Variants in AP3M2 observed in about 807,000 individuals in gnomAD.
AP3M2 encodes AP-3 complex subunit mu-2.
AP3M2 carries 28 observed loss-of-function variants against 41.6 expected under a neutral mutation model. That is an observed-to-expected ratio of 0.67 (90% CI 0.50 to 0.92). AP3M2 has a LOEUF of 0.92. AP3M2 is among the 40% of genes least tolerant of loss of function. The pLI is 0.00. For missense variants in AP3M2, 427 were observed against 521.4 expected, an observed-to-expected ratio of 0.82 and a Z score of 1.76; for synonymous variants, 193 against 186.4, an observed-to-expected ratio of 1.04 and a Z score of -0.29.
Position 42,169,065 on chromosome 8 carries a change from G to A in AP3M2, c.*4G>A, listed in dbSNP as rs1163948569. The A allele has an allele frequency of 6.9e-6, 11 of 1,600,302 alleles. No individual in the cohort carries two copies. In the African/African-American group the frequency reaches 8.1e-5, roughly 12 times the overall value. ...GAAGTTCCAAGTTCGAACCTGAAGG[G>A]AGCATTTGCTGAGGGAATAGTCTTG... On this transcript the variant is annotated 3_prime_UTR_variant, in exon 9 of 9. Transcript: ENST00000396926.
At position 42,165,421 on chromosome 8, in the gene AP3M2, C is replaced by G. The variant is rs1564118524; in HGVS notation, c.670-6C>G. The G allele has an allele frequency of 6.2e-7, 1 of 1,613,914 alleles. No individual in the cohort carries two copies. Among genetic ancestry groups the G allele is most frequent in the African/African-American group, 1.3e-5 (1 of 74,920 alleles). On this transcript the variant is annotated splice_polypyrimidine_tract_variant and splice_region_variant and intron_variant, in intron 5 of 8. Coordinates refer to ENST00000396926, the MANE Select transcript of AP3M2 (RefSeq NM_006803.4). ...CTTCTTGCTTCTCCTCTCCTGATGACTGTAGAACCCTAGGTTGTTGGATGA... is the reference window on the plus strand; with the variant it reads ...CTTCTTGCTTCTCCTCTCCTGATGAGTGTAGAACCCTAGGTTGTTGGATGA...
Position 42,167,391 on chromosome 8 carries a change from CT to C in AP3M2, c.1011+22del, listed in dbSNP as rs1348003652. 1 of 1,610,806 alleles carries C rather than the reference CT, an allele frequency of 6.2e-7. No individual in the cohort carries two copies. Among genetic ancestry groups the C allele is most frequent in the African/African-American group, 1.3e-5 (1 of 74,844 alleles). ...ACAAAGGTAGGGATGAGCAGGACATCTTGAATTGCTGATGTTAAGCAGAAAC... is the reference window on the plus strand; with the variant it reads ...ACAAAGGTAGGGATGAGCAGGACATCTGAATTGCTGATGTTAAGCAGAAAC... On this transcript the variant is annotated intron_variant, in intron 7 of 8. Coordinates refer to ENST00000396926, the MANE Select transcript of AP3M2 (RefSeq NM_006803.4).
At position 42,167,914 on chromosome 8, in the gene AP3M2, T is replaced by G. The variant is rs1365908398; in HGVS notation, c.1156+104T>G. On this transcript the variant is annotated intron_variant, in intron 8 of 8. Transcript: ENST00000396926. The stretch of plus-strand genomic sequence containing the variant: ...TTTCTGGGCTTCCTGTTTACAAGGT[T>G]TAGTTTCATTACCTGATAAACAATC... 3.7e-6 allele frequency: 5 copies of G among 1,342,824 alleles called. No individual in the cohort carries two copies. The East Asian group carries it at 1.2e-4, about 31-fold the overall frequency. The allele number at this position is 1,342,824 out of a possible 1,614,324, so 83.2% of individuals were successfully genotyped here. A position where few individuals can be genotyped will look rare whatever the true frequency, so the allele number is the denominator to read the frequency against.
rs1412084978 is a variant in AP3M2 at position 42,167,666 on chromosome 8, A to G, written c.1012A>G (p.Met338Val). The change falls in exon 8 of 9, where the codon ATG becomes GTG. Residue 338 changes from methionine to valine, a missense_variant and splice_region_variant. Physicochemically the swap from Met to Val is conservative, Grantham distance 21 (BLOSUM62 1). Coordinates refer to ENST00000396926, the MANE Select transcript of AP3M2 (RefSeq NM_006803.4). ...GTHTFDPVTK[M>V]LSWDVGKINP... The stretch of plus-strand genomic sequence containing the variant: ...TTCTCCATTTTTATTTTCTTTGAAG[A>G]TGCTGTCTTGGGATGTAGGAAAAAT... 3 of 1,599,168 alleles carry G rather than the reference A, an allele frequency of 1.9e-6. No homozygotes were observed. The highest frequency in any genetic ancestry group is 1.4e-5 in the African/African-American group (1 of 73,796).
intron 4 of AP3M2, among the ~76,000 whole-genome samples, chr8:42,163,809 T>C (rs1365227128): frequency 6.6e-6 from 1 of 152,196 alleles, no homozygotes; most frequent in Non-Finnish European, 1.5e-5. Flanking sequence ...TTTGCATAAA[T>C]GTATATATAT....
chr8:42,167,732 C>G lies in AP3M2; in HGVS notation c.1078C>G (p.Leu360Val). The G allele has an allele frequency of 6.2e-7, 1 of 1,614,148 alleles. No homozygotes were observed. ...KLPSLKGTMS[L>V]QAGASKPDEN... is the part of the protein sequence containing the mutation. The stretch of plus-strand genomic sequence containing the variant: ...ACCAAGTTTGAAGGGGACCATGAGT[C>G]TTCAGGCTGGAGCTTCCAAACCAGA... Residue 360 changes from leucine to valine, a missense_variant, in exon 8 of 9, where the codon CTT becomes GTT. Leu to Val is a conservative substitution (Grantham distance 32). Around this residue, in one of 3 missense-constraint regions of AP3M2, gnomAD observed 237 missense variants for 284.9 expected, o/e 0.83. Transcript: ENST00000396926.
chr8:42,167,036 A>T, intron 6 of AP3M2, 128 bp from the exon 7 acceptor site: 2 of 748,076 alleles, frequency 2.7e-6, no homozygotes, highest in Non-Finnish European at 4.4e-6. Context: ...TTATTTTTTC[A>T]GATAAAAAGT....
In AP3M2 at chr8:42,155,989, C is replaced by G. The variant is rs142671641; in HGVS notation, c.273+1029C>G. 41 of 456,222 alleles carry G rather than the reference C, an allele frequency of 9.0e-5. No homozygotes were observed. The Middle Eastern group carries it at 1.3e-3, about 14-fold the overall frequency. The allele number at this position is 456,222 out of a possible 1,614,324, so 28.3% of individuals were successfully genotyped here. ...TGCAATACTCTGTAGTACTACTGTT[C>G]TGGAATTTCAGTTCTCATGCAACAT... On this transcript the variant is annotated intron_variant, in intron 2 of 8. Transcript: ENST00000396926.
At chr8:42,167,400 C>G (rs1187833123) in intron 7 of AP3M2, 29 bp downstream of exon 7, 6 of 1,609,346 alleles carry the variant, frequency 3.7e-6, no homozygotes, top group Non-Finnish European at 5.1e-6. Context: ...TCTTGAATTG[C>G]TGATGTTAAG....
chr8:42,165,165 C>G lies in AP3M2; in HGVS notation c.669+9C>G, dbSNP rs767291186. 6.2e-7 allele frequency: 1 copy of G among 1,612,228 alleles called. No individual in the cohort carries two copies. Among genetic ancestry groups the G allele is most frequent in the South Asian group, 1.1e-5 (1 of 90,904 alleles). On this transcript the variant is annotated intron_variant, in intron 5 of 8. Coordinates refer to ENST00000396926, the MANE Select transcript of AP3M2 (RefSeq NM_006803.4). ...TTACACTTTCCTTCATGGTAAAATC[C>G]TGGGCCAGAGATTAAGTTCTTGGGA...
chr8:42,155,883 C>G, intron 2 of AP3M2: 1 of 407,178 alleles, frequency 2.5e-6, no homozygotes, highest in Admixed American at 2.9e-5. Flanking sequence ...CAAAGAGTTC[C>G]TTCTCTTGTA....
At chr8:42,168,895 CAGTT>C (rs1308143496) in intron 8 of AP3M2, 62 bp from the exon 9 acceptor site, 38 of 1,256,212 alleles carry the variant, frequency 3.0e-5, no homozygotes, top group East Asian at 7.4e-5. Flanking sequence ...TGAACAGAAA[CAGTT>C]AGGCGACCTG....
chr8:42,161,669 A>G (rs1804509764), intron 3 of AP3M2, among the ~76,000 whole-genome samples: 1 of 152,172 alleles, frequency 6.6e-6, no homozygotes, highest in African/African-American at 2.4e-5. Flanking sequence ...AAGGAAATAG[A>G]ATTTAAATTA....
intron 3 of AP3M2, 32 bp downstream of exon 3, chr8:42,158,144 G>C: frequency 6.3e-7 from 1 of 1,599,280 alleles, no homozygotes; most frequent in Non-Finnish European, 8.6e-7. Flanking sequence ...ATAGATAGTG[G>C]CCATCCTACA....
In AP3M2 at chr8:42,169,050, G is replaced by A. The variant is rs376960782; in HGVS notation, c.1246G>A (p.Val416Ile). ...CATGACCAAAGCTGGGAAGTTCCAA[G>A]TTCGAACCTGAAGGGAGCATTTGCT... The part of the protein sequence containing the change: ...KYMTKAGKFQ[V>I]RT The change falls in exon 9 of 9, where the codon GTT (valine) becomes ATT (isoleucine). Residue 416 changes from valine to isoleucine, a missense_variant. Around this residue, in one of 3 missense-constraint regions of AP3M2, gnomAD observed 237 missense variants for 284.9 expected, o/e 0.83. Transcript: ENST00000396926. 3 of 1,610,118 alleles carry A rather than the reference G, an allele frequency of 1.9e-6. No homozygotes were observed. Among genetic ancestry groups the A allele is most frequent in the Non-Finnish European group, 2.5e-6 (3 of 1,178,278 alleles).
At position 42,167,712 on chromosome 8, in the gene AP3M2, G is replaced by C; in HGVS notation, c.1058G>C (p.Ser353Thr). ...VGKINPQKLPSLKGTMSLQAG... is the reference protein window; with the variant it reads ...VGKINPQKLPTLKGTMSLQAG... ...AAAATAAATCCACAAAAGCTACCAA[G>C]TTTGAAGGGGACCATGAGTCTTCAG... The change falls in exon 8 of 9, where the codon AGT becomes ACT. Residue 353 changes from serine to threonine, a missense_variant. By Grantham distance (58) the Ser-to-Thr change is moderately conservative (BLOSUM62 1). Around this residue, in one of 3 missense-constraint regions of AP3M2, gnomAD observed 237 missense variants for 284.9 expected, o/e 0.83. Transcript: ENST00000396926. 1 of 1,613,688 alleles carries C rather than the reference G, an allele frequency of 6.2e-7. No homozygotes were observed. The highest frequency in any genetic ancestry group is 2.2e-5 in the East Asian group (1 of 44,888).
At position 42,167,374 on chromosome 8, in the gene AP3M2, A is replaced by G. The variant is rs756887080; in HGVS notation, c.1011+3A>G. On this transcript the variant is annotated splice_donor_region_variant and intron_variant, in intron 7 of 8. Transcript: ENST00000396926. ...ACACATTCGACCCAGTCACAAAGGT[A>G]GGGATGAGCAGGACATCTTGAATTG... 2 of 1,613,446 alleles carry G rather than the reference A, an allele frequency of 1.2e-6. No individual in the cohort carries two copies. The highest frequency in any genetic ancestry group is 8.5e-7 in the Non-Finnish European group (1 of 1,179,348).
intron 1 of AP3M2, chr8:42,153,883 A>G (rs1587910556): frequency 6.6e-6 from 1 of 152,174 alleles, no homozygotes; most frequent in African/African-American, 2.4e-5. Flanking sequence ...CCCCAAGGGC[A>G]GCTTTCCATT....
At chr8:42,153,827 G>A (rs1804279344) in intron 1 of AP3M2, 1 of 152,080 alleles carries the variant, frequency 6.6e-6, no homozygotes, top group Admixed American at 6.5e-5. Flanking sequence ...ATTAACAAGT[G>A]CCTAAGGAGT....
Sources: allele counts gnomAD v4.1 joint callset (sites outside exome capture counted in the v4.1 genomes callset), GRCh38; gene constraint gnomAD v4.1.1; regional missense constraint gnomAD v4.1.1; transcripts MANE v1.5; gene names NCBI Gene and HGNC (gene_info 2026-07-23, HGNC 2026-07-21).